Variants in AIG1 observed in about 807,000 individuals in gnomAD.
AIG1 encodes the protein androgen induced 1.
A neutral mutation model predicts 31.4 loss-of-function variants in AIG1; 23 were observed. The ratio of observed to expected loss-of-function variants is 0.73; its 90% confidence interval spans 0.53 to 1.04. The LOEUF (loss-of-function observed/expected upper bound fraction) is 1.04, where lower values mean the gene tolerates loss of function less well. AIG1 is among the 50% of genes least tolerant of loss of function. The pLI, the probability that AIG1 is intolerant of heterozygous loss-of-function variation, is 0.00. For missense variants in AIG1, 274 were observed against 295.0 expected (o/e 0.93, Z 0.52); for synonymous variants, 100 against 110.5 (o/e 0.90, Z 0.60).
At chr6:143,246,683 C>A (rs1794645512) in intron 3 of AIG1, among the ~76,000 whole-genome samples, 1 of 152,168 alleles carries the variant, frequency 6.6e-6, no homozygotes, top group South Asian at 2.1e-4. Context: ...ATTTACTGAG[C>A]ACTTACATAC....
intron 5 of AIG1, chr6:143,335,173 C>T (rs766775076): frequency 3.7e-5 from 48 of 1,311,486 alleles, no homozygotes; most frequent in Non-Finnish European, 4.7e-5. Flanking sequence ...CCTCCCCCAA[C>T]TTCTACCTAT....
chr6:143,331,352 C>G lies in AIG1; in HGVS notation c.516-1930C>G, dbSNP rs1391754130. 6.6e-6 allele frequency among the ~76,000 whole-genome samples: 1 copy of G among 152,068 alleles called. No homozygotes were observed. The highest frequency in any genetic ancestry group is 2.4e-5 in the African/African-American group (1 of 41,388). ...CTCTGTTCCCGTTAAACAATAACTCCCTATTCTCCACTCCCCCGAGTCCCT... is the reference window on the plus strand; with the variant it reads ...CTCTGTTCCCGTTAAACAATAACTCGCTATTCTCCACTCCCCCGAGTCCCT... On this transcript the variant is annotated intron_variant, in intron 4 of 5. Transcript: ENST00000357847. The surrounding 1 kb of genome is among the most constrained non-coding windows in gnomAD (Gnocchi z 4.1).
At chr6:143,168,256 T>A (rs1298577237) in intron 3 of AIG1, among the ~76,000 whole-genome samples, 1 of 152,152 alleles carries the variant, frequency 6.6e-6, no homozygotes, top group Non-Finnish European at 1.5e-5. Context: ...ATTTCTTTTT[T>A]TTTAATTTTT....
Position 143,334,038 on chromosome 6 carries a change from A to G in AIG1, c.679+593A>G. 1.9e-6 allele frequency: 3 copies of G among 1,548,802 alleles called. No homozygotes were observed. Among genetic ancestry groups the G allele is most frequent in the Non-Finnish European group, 2.6e-6 (3 of 1,146,096 alleles). On this transcript the variant is annotated intron_variant, in intron 5 of 5. Coordinates refer to ENST00000357847, the MANE Select transcript of AIG1 (RefSeq NM_016108.4). This position sits in a 1 kb window ranked among gnomAD's most constrained non-coding sequence, Gnocchi z 5.1. ...TTTCGTGGCTGGAAAAACTCTTTTA[A>G]CCTGTGATTTGATTTCTCTTTTGTT...
At chr6:143,337,737 C>G (rs547921970) in intron 5 of AIG1, among the ~76,000 whole-genome samples, 1 of 152,242 alleles carries the variant, frequency 6.6e-6, no homozygotes, top group Admixed American at 6.5e-5. Flanking sequence ...CATTTCCCCC[C>G]AGGCCCATCC....
At chr6:143,276,934 A>G (rs1408503460) in intron 3 of AIG1, among the ~76,000 whole-genome samples, 1 of 152,184 alleles carries the variant, frequency 6.6e-6, no homozygotes, top group Non-Finnish European at 1.5e-5. Flanking sequence ...AACACTGTTC[A>G]GTGGCCCCAA....
At chr6:143,138,416 A>G (rs1783944799) in intron 2 of AIG1, among the ~76,000 whole-genome samples, 1 of 152,230 alleles carries the variant, frequency 6.6e-6, no homozygotes, top group South Asian at 2.1e-4. Flanking sequence ...AATTATCTAG[A>G]AAATCTCAGT....
At chr6:143,140,528 C>G (rs1784162057) in intron 2 of AIG1, among the ~76,000 whole-genome samples, 1 of 152,132 alleles carries the variant, frequency 6.6e-6, no homozygotes, top group African/African-American at 2.4e-5. Context: ...ATTCTTATGA[C>G]TTAGGACTTT....
At chr6:143,070,876 G>C (rs1777180960) in intron 1 of AIG1, among the ~76,000 whole-genome samples, 1 of 152,182 alleles carries the variant, frequency 6.6e-6, no homozygotes, top group African/African-American at 2.4e-5. Context: ...ATATTTAATT[G>C]ACATTTTAAT....
chr6:143,299,473 T>G lies in AIG1; in HGVS notation c.515+15248T>G, dbSNP rs1039290681. 6.6e-6 allele frequency: 1 copy of G among 152,188 alleles called. No homozygotes were observed. The highest frequency in any genetic ancestry group is 2.4e-5 in the African/African-American group (1 of 41,450). The allele number at this position is 152,188 out of a possible 1,614,324, so 9.4% of individuals were successfully genotyped here. On this transcript the variant is annotated intron_variant, in intron 4 of 5. Transcript: ENST00000357847. The surrounding 1 kb of genome is among the most constrained non-coding windows in gnomAD (Gnocchi z 4.1). ...TGGCTGGAATAGCAGTACACATAGCTGGGCTACTGAAGGTGTCAAACAGAG... is the reference window on the plus strand; with the variant it reads ...TGGCTGGAATAGCAGTACACATAGCGGGGCTACTGAAGGTGTCAAACAGAG...
chr6:143,310,580 A>C (rs182661276), intron 4 of AIG1, among the ~76,000 whole-genome samples: 1 of 151,772 alleles, frequency 6.6e-6, no homozygotes, highest in Non-Finnish European at 1.5e-5. Flanking sequence ...AATTTAAGTC[A>C]AAAGTAAGAA....
intron 4 of AIG1, among the ~76,000 whole-genome samples, chr6:143,323,235 G>A (rs1259177174): frequency 6.6e-6 from 1 of 152,118 alleles, no homozygotes; most frequent in Non-Finnish European, 1.5e-5. Context: ...AGAGCCCCTT[G>A]TTCAAAAATG....
chr6:143,146,899 T>C (rs1021293070), intron 2 of AIG1, among the ~76,000 whole-genome samples: 8 of 152,168 alleles, frequency 5.3e-5, no homozygotes, highest in African/African-American at 1.9e-4. Context: ...TTTCTAATCC[T>C]CTTAGGGAAC....
chr6:143,263,207 C>G (rs1005392642), intron 3 of AIG1, among the ~76,000 whole-genome samples: 1 of 152,172 alleles, frequency 6.6e-6, no homozygotes, highest in East Asian at 1.9e-4. Context: ...AAAGTCATCA[C>G]TATTCAGCAA....
chr6:143,310,311 G>T (rs555959560), intron 4 of AIG1, among the ~76,000 whole-genome samples: 1 of 151,842 alleles, frequency 6.6e-6, no homozygotes, highest in Non-Finnish European at 1.5e-5. Context: ...GTCAACATGG[G>T]AGTTAAACTA....
intron 1 of AIG1, among the ~76,000 whole-genome samples, chr6:143,119,959 C>T (rs542129092): frequency 1.8e-4 from 27 of 152,122 alleles, no homozygotes; most frequent in African/African-American, 4.3e-4. Context: ...GATGGAGTTT[C>T]GCTCTTGTTG....
At chr6:143,208,216 TA>T (rs1397960405) in intron 3 of AIG1, among the ~76,000 whole-genome samples, 2 of 152,142 alleles carry the variant, frequency 1.3e-5, no homozygotes, top group Non-Finnish European at 2.9e-5. Context: ...ATTGCACGGG[TA>T]AAAGGTAAAT....
intron 3 of AIG1, among the ~76,000 whole-genome samples, chr6:143,223,203 AT>A (rs1792669084): frequency 6.6e-6 from 1 of 152,222 alleles, no homozygotes; most frequent in Non-Finnish European, 1.5e-5. Flanking sequence ...TGCCAGCAGC[AT>A]CAGCATCTAC....
At chr6:143,312,108 A>G (rs1775333328) in intron 4 of AIG1, among the ~76,000 whole-genome samples, 1 of 152,026 alleles carries the variant, frequency 6.6e-6, no homozygotes, top group Non-Finnish European at 1.5e-5. Context: ...TTAGAAGAAT[A>G]AATATTATTA....
Sources: gnomAD v4.1 joint callset for allele counts (sites outside exome capture counted in the v4.1 genomes callset) on GRCh38, gnomAD v4.1.1 for gene constraint, Gnocchi (gnomAD v3.1) non-coding constraint, MANE v1.5 for transcripts, NCBI Gene and HGNC (gene_info 2026-07-23, HGNC 2026-07-21) for gene names.